The following RBFOX1 variants were observed in gnomAD, a reference collection of about 807,000 sequenced individuals.
RBFOX1 encodes RNA binding protein fox-1 homolog 1.
Under a neutral mutation model 57.7 loss-of-function variants are expected in RBFOX1, and 8 were observed. The ratio of observed to expected loss-of-function variants is 0.14; its 90% CI spans 0.08 to 0.25. The LOEUF (loss-of-function observed/expected upper bound fraction) is 0.25. Among genes scored for constraint, RBFOX1 ranks in the 10% least tolerant of loss-of-function variants. The pLI, the probability that RBFOX1 is intolerant of heterozygous loss-of-function variation, is 1.00. For missense variants in RBFOX1, 611 were observed against 548.5 expected, an observed-to-expected ratio of 1.11 and a Z score of -1.14; for synonymous variants, 326 against 222.4, an observed-to-expected ratio of 1.47 and a Z score of -4.15.
intron 4 of RBFOX1, among the ~76,000 whole-genome samples, chr16:7,162,450 C>T (rs11646928): frequency 1.3e-5 from 2 of 151,742 alleles, no homozygotes; most frequent in African/African-American, 4.8e-5. Flanking sequence ...ATCTAGACTT[C>T]TGGGCGCAGT....
chr16:6,436,622 T>TC (rs1419991671), intron 2 of RBFOX1, among the ~76,000 whole-genome samples: 1 of 151,446 alleles, frequency 6.6e-6, no homozygotes, highest in Non-Finnish European at 1.5e-5. Context: ...CAGTTTCTTC[T>TC]CAACACTTAC....
intron 2 of RBFOX1, among the ~76,000 whole-genome samples, chr16:6,493,455 G>A (rs570060192): frequency 6.6e-6 from 1 of 152,056 alleles, no homozygotes. Flanking sequence ...TGTTTGTCAG[G>A]GACCGTAGGC....
At chr16:7,331,895 G>A (rs1603623544) in intron 4 of RBFOX1, among the ~76,000 whole-genome samples, 1 of 151,838 alleles carries the variant, frequency 6.6e-6, no homozygotes. Context: ...TGATTGCTTG[G>A]GTATTTTCAA....
intron 2 of RBFOX1, among the ~76,000 whole-genome samples, chr16:6,475,701 C>G (rs987154165): frequency 5.9e-5 from 9 of 152,162 alleles, no homozygotes; most frequent in Non-Finnish European, 1.3e-4. Context: ...GTGTTCTAAT[C>G]CTGCAAACTT....
At chr16:7,701,385 G>T (rs76534399) in intron 14 of RBFOX1, among the ~76,000 whole-genome samples, 1 of 152,180 alleles carries the variant, frequency 6.6e-6, no homozygotes, top group Non-Finnish European at 1.5e-5. Context: ...CCTCCTGTCT[G>T]ACCAGTGGCA....
At chr16:5,467,111 C>CT in intron 1 of RBFOX1, 2 of 1,266,402 alleles carry the variant, frequency 1.6e-6, no homozygotes, top group South Asian at 3.0e-5. Context: ...ATAAAACATT[C>CT]TTTTTTAAAT....
chr16:5,368,890 T>C (rs547892760), intron 1 of RBFOX1, among the ~76,000 whole-genome samples: 1 of 152,314 alleles, frequency 6.6e-6, no homozygotes, highest in African/African-American at 2.4e-5. Context: ...ACTTTTTATG[T>C]GATATGAGTT....
At position 6,884,718 on chromosome 16, in the gene RBFOX1, C is replaced by T. The variant is rs140181938; in HGVS notation, c.-15-167339C>T. ...TTCCAGACCAGCTTGGGCAACATGACGAAACCCCATCTGTACTAAAAATAC... is the reference window on the plus strand; with the variant it reads ...TTCCAGACCAGCTTGGGCAACATGATGAAACCCCATCTGTACTAAAAATAC... On this transcript the variant is annotated intron_variant, in intron 3 of 15. Transcript: ENST00000550418. 4.6e-5 allele frequency among the ~76,000 whole-genome samples: 7 copies of T among 152,094 alleles called. No homozygotes were observed. In the East Asian group the frequency reaches 7.8e-4, roughly 17 times the overall value.
chr16:6,607,271 G>A (rs369015943), intron 2 of RBFOX1, among the ~76,000 whole-genome samples: 1 of 152,092 alleles, frequency 6.6e-6, no homozygotes, highest in Non-Finnish European at 1.5e-5. Context: ...TGGTTATTAG[G>A]ATTAAAAGGG....
At chr16:6,074,266 T>C (rs993547044) in intron 1 of RBFOX1, among the ~76,000 whole-genome samples, 1 of 152,020 alleles carries the variant, frequency 6.6e-6, no homozygotes, top group African/African-American at 2.4e-5. Flanking sequence ...TCTTTCTCTC[T>C]CCCCCTCTCT....
chr16:7,208,531 GCT>G (rs2152766960), intron 4 of RBFOX1, among the ~76,000 whole-genome samples: 1 of 152,178 alleles, frequency 6.6e-6, no homozygotes, highest in South Asian at 2.1e-4. Context: ...GAGGAGCCAG[GCT>G]CTTTTTCACA....
At chr16:5,696,220 C>G (rs17138413) in intron 3 of RBFOX1, among the ~76,000 whole-genome samples, 3,617 of 152,218 alleles carry the variant, frequency 0.024, 148 homozygotes, top group African/African-American at 0.082. Flanking sequence ...GTACCTTCTC[C>G]CATTTTCATT....
chr16:5,981,746 G>T (rs1405906289), intron 4 of RBFOX1, among the ~76,000 whole-genome samples: 4 of 152,194 alleles, frequency 2.6e-5, no homozygotes, highest in Admixed American at 2.6e-4. Context: ...TGGGATTGTA[G>T]GTGTGAGCCG....
intron 1 of RBFOX1, among the ~76,000 whole-genome samples, chr16:5,257,498 C>T (rs2062616866): frequency 6.6e-6 from 1 of 152,322 alleles, no homozygotes; most frequent in African/African-American, 2.4e-5. Flanking sequence ...CTGCCTCTCT[C>T]CTCCTCTCCA....
intron 4 of RBFOX1, among the ~76,000 whole-genome samples, chr16:7,422,475 A>G (rs1178974117): frequency 4.6e-5 from 7 of 152,178 alleles, no homozygotes; most frequent in Admixed American, 2.0e-4. Context: ...ATAGGCAGCA[A>G]TTCGATTATG....
intron 2 of RBFOX1, among the ~76,000 whole-genome samples, chr16:6,371,277 C>G (rs766483640): frequency 6.6e-6 from 1 of 152,164 alleles, no homozygotes; most frequent in African/African-American, 2.4e-5. Flanking sequence ...TTGTCTGAGT[C>G]AATTATGATT....
At chr16:7,337,322 G>C (rs914996852) in intron 4 of RBFOX1, among the ~76,000 whole-genome samples, 1 of 152,246 alleles carries the variant, frequency 6.6e-6, no homozygotes, top group East Asian at 1.9e-4. Flanking sequence ...TCGGGAAGAG[G>C]GTGGTTTCAA....
At chr16:5,241,655 T>G (rs1285492444) in intron 1 of RBFOX1, among the ~76,000 whole-genome samples, 1 of 152,170 alleles carries the variant, frequency 6.6e-6, no homozygotes, top group Non-Finnish European at 1.5e-5. Context: ...TTGCCTGGGG[T>G]TGTTACTGCT....
intron 3 of RBFOX1, among the ~76,000 whole-genome samples, chr16:6,994,682 C>T (rs146390591): frequency 4.6e-3 from 700 of 152,242 alleles, no homozygotes; most frequent in African/African-American, 0.016. Flanking sequence ...CCTCTCCACC[C>T]GAAAGGATCC....
Sources: gnomAD v4.1 joint callset for allele counts (sites outside exome capture counted in the v4.1 genomes callset) on GRCh38, gnomAD v4.1.1 for gene constraint, MANE v1.5 for transcripts, NCBI Gene and HGNC (gene_info 2026-07-23, HGNC 2026-07-21) for gene names.